SGCZ: variants seen among roughly 807,000 people sequenced by gnomAD.
SGCZ encodes the protein sarcoglycan zeta, also known as zeta-sarcoglycan.
SGCZ carries 40 observed loss-of-function variants against 41.3 expected under a neutral mutation model. The ratio of observed to expected loss-of-function variants is 0.97; its 90% CI spans 0.75 to 1.26. The LOEUF is 1.26. Among genes scored for constraint, SGCZ ranks in the 50% most tolerant of loss-of-function variants. The probability of loss-of-function intolerance (pLI) is 0.00; values close to 1 mark genes in which losing one functional copy is unlikely to be tolerated. For missense variants in SGCZ, 552 were observed against 369.8 expected, an observed-to-expected ratio of 1.49 and a Z score of -4.04; for synonymous variants, 206 against 137.5, an observed-to-expected ratio of 1.50 and a Z score of -3.49.
intron 1 of SGCZ, among the ~76,000 whole-genome samples, chr8:14,588,021 G>A (rs146498001): frequency 1.1e-4 from 17 of 152,070 alleles, no homozygotes; most frequent in African/African-American, 3.4e-4. Flanking sequence ...AAAGTTGAGC[G>A]ATAATATTAG....
At chr8:14,515,285 G>A (rs549470967) in intron 2 of SGCZ, among the ~76,000 whole-genome samples, 1 of 152,156 alleles carries the variant, frequency 6.6e-6, no homozygotes, top group East Asian at 1.9e-4. Flanking sequence ...TGCTCCTGCT[G>A]TATTTTTGCC....
chr8:14,129,345 CAAAAAAAAAAA>C (rs534660638), intron 5 of SGCZ, among the ~76,000 whole-genome samples: 21 of 44,114 alleles, frequency 4.8e-4, no homozygotes, highest in African/African-American at 9.7e-4. Context: ...GACTCCGTCT[CAAAAAAAAAAA>C]AAAAAAAAAA....
chr8:14,232,660 G>C (rs4831560), intron 4 of SGCZ, among the ~76,000 whole-genome samples: 55,180 of 151,826 alleles, frequency 0.36, 10,264 homozygotes, highest in Admixed American at 0.43. Flanking sequence ...GTGCAGGTTA[G>C]TTACATATGT....
intron 1 of SGCZ, among the ~76,000 whole-genome samples, chr8:14,560,455 G>A (rs1346995197): frequency 6.6e-6 from 1 of 152,014 alleles, no homozygotes; most frequent in African/African-American, 2.4e-5. Flanking sequence ...GGAAGAATGT[G>A]GATGTAGGAG....
At chr8:14,372,029 G>A (rs1585418060) in intron 2 of SGCZ, among the ~76,000 whole-genome samples, 1 of 151,900 alleles carries the variant, frequency 6.6e-6, no homozygotes, top group Non-Finnish European at 1.5e-5. Flanking sequence ...ATTCAAAGAA[G>A]ATATAGATCA....
At chr8:14,529,685 C>A (rs1356914185) in intron 2 of SGCZ, among the ~76,000 whole-genome samples, 1 of 152,074 alleles carries the variant, frequency 6.6e-6, no homozygotes, top group Non-Finnish European at 1.5e-5. Flanking sequence ...TTCATGAGAT[C>A]TGAAGGTTAA....
At chr8:15,038,814 C>CAAAAA (rs58922339) in intron 1 of SGCZ, among the ~76,000 whole-genome samples, 71 of 92,942 alleles carry the variant, frequency 7.6e-4, no homozygotes, top group African/African-American at 2.8e-3. Context: ...TGACATTTCT[C>CAAAAA]AAAAAAAAAA....
intron 1 of SGCZ, among the ~76,000 whole-genome samples, chr8:14,846,491 T>A (rs769185434): frequency 8.6e-5 from 13 of 151,698 alleles, no homozygotes; most frequent in Admixed American, 2.0e-4. Flanking sequence ...ATGAGAAAAG[T>A]CACATCACTA....
chr8:14,825,607 T>A (rs975989290), intron 1 of SGCZ, among the ~76,000 whole-genome samples: 2 of 152,172 alleles, frequency 1.3e-5, no homozygotes, highest in Non-Finnish European at 2.9e-5. Context: ...ACAGTCAAAT[T>A]AATTAACTCA....
At chr8:14,091,835 T>C (rs1801698323) in intron 7 of SGCZ, among the ~76,000 whole-genome samples, 1 of 152,072 alleles carries the variant, frequency 6.6e-6, no homozygotes, top group African/African-American at 2.4e-5. Context: ...TTAGTTTAAT[T>C]AGATCCCATT....
intron 3 of SGCZ, among the ~76,000 whole-genome samples, chr8:14,269,089 T>C (rs1799972449): frequency 6.6e-6 from 1 of 152,096 alleles, no homozygotes; most frequent in East Asian, 1.9e-4. Flanking sequence ...TGTTTCACTC[T>C]TGTATATTCT....
chr8:14,773,978 C>G (rs924400414), intron 1 of SGCZ, among the ~76,000 whole-genome samples: 2 of 152,176 alleles, frequency 1.3e-5, no homozygotes, highest in African/African-American at 4.8e-5. Flanking sequence ...AAGAAAATGA[C>G]TAATCAATAA....
intron 1 of SGCZ, among the ~76,000 whole-genome samples, chr8:15,142,244 C>A (rs2116999492): frequency 6.6e-6 from 1 of 152,122 alleles, no homozygotes; most frequent in Admixed American, 6.5e-5. Flanking sequence ...GGAAATAACC[C>A]TAGAGTATGT....
chr8:15,071,651 T>G lies in SGCZ; in HGVS notation c.39+165934A>C, dbSNP rs115448167. Among the ~76,000 whole-genome samples the G allele has an allele frequency of 5.9e-3, 898 of 152,314 alleles. 8 individuals carry two copies. The highest frequency in any genetic ancestry group is 0.02 in the African/African-American group (848 of 41,574). ...AATCAACATTCTAAAATTCACAATA[T>G]AGACAACTTCTGAAATGTAATGGTG... On this transcript the variant is annotated intron_variant, in intron 1 of 7. Coordinates refer to ENST00000382080, the MANE Select transcript of SGCZ (RefSeq NM_139167.4).
At chr8:14,558,412 C>G (rs1316753930) in intron 1 of SGCZ, among the ~76,000 whole-genome samples, 3 of 151,740 alleles carry the variant, frequency 2.0e-5, no homozygotes, top group Non-Finnish European at 1.5e-5. Context: ...CCATCTCTAC[C>G]AAAAATATAA....
intron 5 of SGCZ, among the ~76,000 whole-genome samples, chr8:14,136,710 C>T (rs185235909): frequency 2.0e-5 from 3 of 152,190 alleles, no homozygotes; most frequent in East Asian, 3.9e-4. Flanking sequence ...ATAGACTCCA[C>T]CTCTGGGGGC....
At chr8:14,456,746 A>T (rs546093310) in intron 2 of SGCZ, among the ~76,000 whole-genome samples, 47 of 152,294 alleles carry the variant, frequency 3.1e-4, no homozygotes, top group African/African-American at 1.1e-3. Flanking sequence ...TCTCATGTTG[A>T]ATTGTCATCT....
At chr8:14,096,267 G>T (rs1210605262) in intron 7 of SGCZ, among the ~76,000 whole-genome samples, 1 of 152,072 alleles carries the variant, frequency 6.6e-6, no homozygotes, top group East Asian at 1.9e-4. Flanking sequence ...ATTATTTTGA[G>T]ATACATCCCA....
chr8:15,038,458 A>G (rs1187108315), intron 1 of SGCZ, among the ~76,000 whole-genome samples: 3 of 152,236 alleles, frequency 2.0e-5, no homozygotes, highest in South Asian at 4.1e-4. Context: ...AATAACATCA[A>G]AATTGACTAA....
Sources: gnomAD v4.1 joint callset for allele counts (sites outside exome capture counted in the v4.1 genomes callset) on GRCh38, gnomAD v4.1.1 for gene constraint, MANE v1.5 for transcripts, NCBI Gene and HGNC (gene_info 2026-07-23, HGNC 2026-07-21) for gene names.